SPAG17: variants seen among roughly 807,000 people sequenced by gnomAD.
SPAG17 encodes sperm associated antigen 17, also known as sperm-associated antigen 17.
Under a neutral mutation model 273.6 loss-of-function variants are expected in SPAG17, and 169 were observed. That is an observed-to-expected ratio of 0.62 (90% CI 0.55 to 0.70). The LOEUF is 0.70. Ranked by LOEUF, SPAG17 falls within the 30% of genes least tolerant of loss-of-function variation. The pLI is 0.00. For missense variants in SPAG17, 2,557 were observed against 2,627.8 expected, an observed-to-expected ratio of 0.97 and a Z score of 0.59; for synonymous variants, 825 against 873.2, an observed-to-expected ratio of 0.94 and a Z score of 0.97.
At chr1:118,180,962 A>G (rs1309869949) in intron 1 of SPAG17, among the ~76,000 whole-genome samples, 3 of 152,094 alleles carry the variant, frequency 2.0e-5, no homozygotes, top group Non-Finnish European at 2.9e-5. Context: ...GCTAATGGGT[A>G]CATAGTATAT....
At position 117,963,916 on chromosome 1, in the gene SPAG17, A is replaced by G; in HGVS notation, c.6555T>C (p.Tyr2185=). Residue 2185 remains tyrosine, a synonymous_variant, in exon 48 of 49, where the codon TAT becomes TAC. Transcript: ENST00000336338. ...VEATVLTSSN[Y]DKRPKDFPQG... Reference sequence around the variant, plus strand: ...GGGGAAAGTCTTTTGGTCGTTTATCATAATTGCTGCTTGTTAAAACAGGTA... The same window carrying G: ...GGGGAAAGTCTTTTGGTCGTTTATCGTAATTGCTGCTTGTTAAAACAGGTA... 3.7e-6 allele frequency: 6 copies of G among 1,614,004 alleles called. No homozygotes were observed. Among genetic ancestry groups the G allele is most frequent in the African/African-American group, 1.3e-5 (1 of 75,062 alleles).
In SPAG17 at chr1:118,066,813, A is replaced by G; in HGVS notation, c.2472T>C (p.Asn824=). 6.2e-7 allele frequency: 1 copy of G among 1,613,886 alleles called. No homozygotes were observed. The highest frequency in any genetic ancestry group is 1.6e-4 in the Middle Eastern group (1 of 6,062). Residue 824 remains asparagine (N), a synonymous_variant, in exon 18 of 49, where the codon AAT becomes AAC. Transcript: ENST00000336338. ...QDNSLLLVFH[N]PMNRQRLHCE... ...AATGCAAACGTTGTCTATTCATTGGATTGTGAAAGACTAAAAGTAAAGAGT... is the reference window on the plus strand; with the variant it reads ...AATGCAAACGTTGTCTATTCATTGGGTTGTGAAAGACTAAAAGTAAAGAGT...
chr1:118,086,363 T>C (rs1347409352), intron 12 of SPAG17, among the ~76,000 whole-genome samples: 2 of 152,222 alleles, frequency 1.3e-5, no homozygotes, highest in African/African-American at 2.4e-5. Context: ...TTCTGGCTTC[T>C]ACTAGTTTTT....
intron 43 of SPAG17, among the ~76,000 whole-genome samples, chr1:117,976,620 G>C (rs1295055974): frequency 6.6e-6 from 1 of 152,160 alleles, no homozygotes; most frequent in Non-Finnish European, 1.5e-5. Flanking sequence ...GCCTGACGTG[G>C]TGGCTCCTTG....
intron 1 of SPAG17, among the ~76,000 whole-genome samples, chr1:118,178,040 A>G (rs1011462946): frequency 6.6e-6 from 1 of 152,140 alleles, no homozygotes; most frequent in Non-Finnish European, 1.5e-5. Context: ...AAATTGAGAA[A>G]AAGAGAATAC....
In SPAG17 at chr1:118,081,559, C is replaced by T; in HGVS notation, c.1846G>A (p.Gly616Arg). Reference protein sequence around the residue: ...SLKLSEVDEKGKLKPSGMMCG... With the variant: ...SLKLSEVDEKRKLKPSGMMCG... ...ATCATCCCAGAAGGTTTCAGTTTCC[C>T]TTTTTCATCAACCTCAGAGAGCTTC... Residue 616 changes from glycine (G) to arginine (R), a missense_variant, in exon 14 of 49, where the codon GGG (glycine) becomes AGG (arginine). Transcript: ENST00000336338. 6.2e-7 allele frequency: 1 copy of T among 1,613,984 alleles called. No homozygotes were observed. The highest frequency in any genetic ancestry group is 8.5e-7 in the Non-Finnish European group (1 of 1,179,968).
Position 118,029,815 on chromosome 1 carries a change from G to A in SPAG17, c.3610-1421C>T, listed in dbSNP as rs148398716. ...GATATTTGTTTTTTTCTAACTAGTC[G>A]TCTATTGTTGAACATTTAAGTTGTT... On this transcript the variant is annotated intron_variant, in intron 25 of 48. Transcript: ENST00000336338. 2.2e-3 allele frequency among the ~76,000 whole-genome samples: 332 copies of A among 152,012 alleles called. 1 individual carries two copies. The highest frequency in any genetic ancestry group is 3.4e-3 in the Middle Eastern group (1 of 294).
chr1:118,164,912 T>C (rs1381047111), intron 1 of SPAG17, among the ~76,000 whole-genome samples: 1 of 152,178 alleles, frequency 6.6e-6, no homozygotes, highest in East Asian at 1.9e-4. Flanking sequence ...CACTTTATTG[T>C]TAGTGGTTAC....
intron 18 of SPAG17, among the ~76,000 whole-genome samples, chr1:118,060,284 CA>C (rs1255373846): frequency 1.3e-5 from 2 of 152,008 alleles, no homozygotes; most frequent in Non-Finnish European, 2.9e-5. Flanking sequence ...TGATTTTACA[CA>C]AAACACATAT....
intron 3 of SPAG17, among the ~76,000 whole-genome samples, chr1:118,133,886 C>G (rs1358641943): frequency 6.6e-6 from 1 of 152,136 alleles, no homozygotes; most frequent in East Asian, 1.9e-4. Context: ...CTCAAGGAGT[C>G]TGAAAACAAA....
chr1:118,040,521 C>T (rs993956241), intron 22 of SPAG17, among the ~76,000 whole-genome samples: 1 of 152,106 alleles, frequency 6.6e-6, no homozygotes, highest in African/African-American at 2.4e-5. Context: ...TTAGCATGTA[C>T]CAGCTAAACC....
chr1:118,091,862 G>T, intron 9 of SPAG17, 68 bp downstream of exon 9: 1 of 1,490,172 alleles, frequency 6.7e-7, no homozygotes, highest in South Asian at 1.1e-5. Context: ...GTAATATGGA[G>T]GGCAGTCATT....
intron 3 of SPAG17, among the ~76,000 whole-genome samples, chr1:118,118,526 G>C (rs1204690211): frequency 6.6e-6 from 1 of 152,214 alleles, no homozygotes; most frequent in African/African-American, 2.4e-5. Flanking sequence ...TGCTTGGCGT[G>C]AATCAGGAAC....
In SPAG17 at chr1:118,011,920, T is replaced by A. The variant is rs116109024; in HGVS notation, c.4432+308A>T. 4.2e-3 allele frequency among the ~76,000 whole-genome samples: 644 copies of A among 152,140 alleles called. 4 individuals carry two copies. The highest frequency in any genetic ancestry group is 0.015 in the African/African-American group (612 of 41,528). On this transcript the variant is annotated intron_variant, in intron 30 of 48. Transcript: ENST00000336338. The stretch of plus-strand genomic sequence containing the variant: ...GCATACGTTAATTCACTTGATTGAG[T>A]CATTTTGCAATGTATACTTATTTCA...
chr1:118,053,950 G>A lies in SPAG17; in HGVS notation c.2814+52C>T. The A allele has an allele frequency of 2.3e-6, 3 of 1,329,812 alleles. No individual in the cohort carries two copies. The East Asian group carries it at 7.0e-5, about 31-fold the overall frequency. 82.4% of individuals were successfully genotyped at this position (1,329,812 alleles called of 1,614,324 possible). A position where few individuals can be genotyped will look rare whatever the true frequency, so the allele number is the denominator to read the frequency against. On this transcript the variant is annotated intron_variant, in intron 20 of 48. Coordinates refer to ENST00000336338, the MANE Select transcript of SPAG17 (RefSeq NM_206996.4). Reference sequence around the variant, plus strand: ...CCCCAAAGTCAACCACTATCCTGTTGTGTAATACTTTAGTTTTGCCTGTTT... The same window carrying A: ...CCCCAAAGTCAACCACTATCCTGTTATGTAATACTTTAGTTTTGCCTGTTT...
At chr1:118,098,437 A>G (rs1385713724) in intron 6 of SPAG17, among the ~76,000 whole-genome samples, 1 of 152,068 alleles carries the variant, frequency 6.6e-6, no homozygotes, top group Non-Finnish European at 1.5e-5. Context: ...TATTACATCT[A>G]TAATTAAATA....
At chr1:117,986,148 T>C (rs1464860483) in intron 40 of SPAG17, among the ~76,000 whole-genome samples, 1 of 152,292 alleles carries the variant, frequency 6.6e-6, no homozygotes, top group Non-Finnish European at 1.5e-5. Context: ...TCTGGAAATA[T>C]CAGACAGGCA....
intron 15 of SPAG17, among the ~76,000 whole-genome samples, chr1:118,078,525 C>T (rs1407845393): frequency 6.6e-6 from 1 of 151,986 alleles, no homozygotes; most frequent in East Asian, 1.9e-4. Context: ...ACAGTATTTA[C>T]AAATAATGAT....
Position 118,097,171 on chromosome 1 carries a change from G to T in SPAG17, c.1011+499C>A, listed in dbSNP as rs146721837. On this transcript the variant is annotated intron_variant, in intron 7 of 48. Transcript: ENST00000336338. ...AATCACCTGAACTCAGGAGGCGGAG[G>T]TTGCAGTGAGATCACACCACTGCAC... Among the ~76,000 whole-genome samples the T allele has an allele frequency of 7.1e-3, 1,071 of 151,706 alleles. 10 individuals carry two copies. Among genetic ancestry groups the T allele is most frequent in the African/African-American group, 0.024 (1,009 of 41,356 alleles).
Sources: allele counts gnomAD v4.1 joint callset (sites outside exome capture counted in the v4.1 genomes callset), GRCh38; gene constraint gnomAD v4.1.1; transcripts MANE v1.5; gene names NCBI Gene and HGNC (gene_info 2026-07-23, HGNC 2026-07-21).